Variants in PGM2L1 observed in about 807,000 individuals in gnomAD.
PGM2L1 encodes glucose 1,6-bisphosphate synthase.
Under a neutral mutation model 73.4 loss-of-function variants are expected in PGM2L1, and 35 were observed. The observed-to-expected ratio is 0.48, with a 90% confidence interval of 0.36 to 0.63. The LOEUF (loss-of-function observed/expected upper bound fraction) is 0.63, where lower values mean the gene tolerates loss of function less well. Among genes scored for constraint, PGM2L1 ranks in the 30% least tolerant of loss-of-function variants. PGM2L1 has a pLI of 0.00. For missense variants in PGM2L1, 570 were observed against 742.0 expected (o/e 0.77, Z 2.69); for synonymous variants, 225 against 253.8 (o/e 0.89, Z 1.08).
intron 9 of PGM2L1, among the ~76,000 whole-genome samples, chr11:74,345,180 A>T (rs1315096058): frequency 2.0e-5 from 3 of 152,198 alleles, no homozygotes; most frequent in African/African-American, 7.2e-5. Flanking sequence ...GGTCACCAGG[A>T]GCTATATTTT....
Position 74,330,665 on chromosome 11 carries a change from G to A in PGM2L1, c.*5987C>T, listed in dbSNP as rs1198833206. 1.3e-5 allele frequency: 2 copies of A among 152,592 alleles called. No homozygotes were observed. The highest frequency in any genetic ancestry group is 2.4e-5 in the African/African-American group (1 of 41,432). 9.5% of individuals were successfully genotyped at this position (152,592 alleles called of 1,614,324 possible). On this transcript the variant is annotated 3_prime_UTR_variant, in exon 14 of 14. Transcript: ENST00000298198. ...GAGTGGCTCTTGTAAGATACATGAT[G>A]AATCATAACAGTGGACAAAAACATA...
chr11:74,369,854 C>G (rs2134927972), intron 4 of PGM2L1, among the ~76,000 whole-genome samples: 1 of 152,286 alleles, frequency 6.6e-6, no homozygotes, highest in East Asian at 1.9e-4. Flanking sequence ...TCAAGCAACT[C>G]TCGTGCCCCA....
At chr11:74,377,063 T>A (rs1862865363) in intron 1 of PGM2L1, among the ~76,000 whole-genome samples, 1 of 152,072 alleles carries the variant, frequency 6.6e-6, no homozygotes, top group South Asian at 2.1e-4. Flanking sequence ...AAAGTCAATA[T>A]ATCACTACGA....
intron 5 of PGM2L1, among the ~76,000 whole-genome samples, chr11:74,367,416 C>T (rs1246560070): frequency 6.6e-6 from 1 of 152,018 alleles, no homozygotes; most frequent in Admixed American, 6.6e-5. Context: ...AAGAAGACAA[C>T]AATGGTTTAG....
chr11:74,370,058 TCTTTTTACAAAGAAATAAAGTA>T (rs372168469), intron 4 of PGM2L1, among the ~76,000 whole-genome samples: 11 of 152,204 alleles, frequency 7.2e-5, no homozygotes, highest in African/African-American at 2.4e-4. Flanking sequence ...CCTGATAAGT[TCTTTTTACAAAGAAATAAAGTA>T]CTTTAGTTAT....
At chr11:74,394,975 A>G (rs1360124382) in intron 1 of PGM2L1, among the ~76,000 whole-genome samples, 1 of 152,118 alleles carries the variant, frequency 6.6e-6, no homozygotes, top group African/African-American at 2.4e-5. Flanking sequence ...ATATGCCATC[A>G]ATATATAATG....
intron 1 of PGM2L1, among the ~76,000 whole-genome samples, chr11:74,389,947 C>CAAAAAAAAAAAAAAAAAAA (rs71065078): frequency 1.6e-4 from 6 of 38,578 alleles, no homozygotes; most frequent in Admixed American, 3.8e-4. Flanking sequence ...ACTAAAAATA[C>CAAAAAAAAAAAAAAAAAAA]AAAAAAAAAA....
At chr11:74,390,170 G>A (rs373304271) in intron 1 of PGM2L1, among the ~76,000 whole-genome samples, 109 of 138,664 alleles carry the variant, frequency 7.9e-4, no homozygotes, top group Non-Finnish European at 1.1e-3. Context: ...TTTTATGAAA[G>A]AAAAAAAAAA....
chr11:74,385,519 C>T (rs1863005626), intron 1 of PGM2L1, among the ~76,000 whole-genome samples: 1 of 151,978 alleles, frequency 6.6e-6, no homozygotes, highest in Non-Finnish European at 1.5e-5. Context: ...GACAAGACTC[C>T]ATTATACCAG....
At chr11:74,371,406 A>G (rs564745549) in intron 3 of PGM2L1, among the ~76,000 whole-genome samples, 3 of 152,222 alleles carry the variant, frequency 2.0e-5, no homozygotes, top group Non-Finnish European at 4.4e-5. Flanking sequence ...ATAGGCATAT[A>G]ATGAGAATAT....
At chr11:74,361,795 T>A (rs1862568479) in intron 5 of PGM2L1, among the ~76,000 whole-genome samples, 1 of 152,150 alleles carries the variant, frequency 6.6e-6, no homozygotes, top group Admixed American at 6.5e-5. Flanking sequence ...AGAAAGGGTA[T>A]CAGTGATGGA....
At position 74,398,330 on chromosome 11, in the gene PGM2L1, G is replaced by A. The variant is rs1591198512; in HGVS notation, c.-169C>T. The A allele has an allele frequency of 2.8e-6, 3 of 1,082,356 alleles. No homozygotes were observed. The African/African-American group carries it at 4.8e-5, about 17-fold the overall frequency. The allele number at this position is 1,082,356 out of a possible 1,614,324, so 67.0% of individuals were successfully genotyped here. A position where few individuals can be genotyped will look rare whatever the true frequency, so the allele number is the denominator to read the frequency against. On this transcript the variant is annotated 5_prime_UTR_variant, in exon 1 of 14. Transcript: ENST00000298198. ...CTCCTGCCGCGGCGTCAGGGAACCG[G>A]GAGAGAGGGGGTTTATGGCCGCCTG... is the stretch of plus-strand genomic sequence containing the variant.
At chr11:74,365,508 C>G (rs945901100) in intron 5 of PGM2L1, among the ~76,000 whole-genome samples, 2 of 152,136 alleles carry the variant, frequency 1.3e-5, no homozygotes, top group Non-Finnish European at 2.9e-5. Context: ...ATAACTCAAA[C>G]AAATTTACAG....
chr11:74,387,708 T>A (rs371551942), intron 1 of PGM2L1, among the ~76,000 whole-genome samples: 9 of 152,348 alleles, frequency 5.9e-5, no homozygotes, highest in African/African-American at 2.2e-4. Flanking sequence ...AAAATCTTCC[T>A]GACTTTGAAC....
chr11:74,337,712 ATTTGATGATAAT>A lies in PGM2L1; in HGVS notation c.1766+744_1766+755del, dbSNP rs1862118972. Among the ~76,000 whole-genome samples the A allele has an allele frequency of 2.6e-5, 4 of 152,358 alleles. No individual in the cohort carries two copies. The South Asian group carries it at 8.3e-4, about 32-fold the overall frequency. On this transcript the variant is annotated intron_variant, in intron 13 of 13. Transcript: ENST00000298198. Reference sequence around the variant, plus strand: ...ATGGATATTTGGCAATAAACAAATTATTTGATGATAATTTCCTTATGTTAATCACATAATACT... The same window carrying A: ...ATGGATATTTGGCAATAAACAAATTATTCCTTATGTTAATCACATAATACT...
chr11:74,342,298 T>A (rs1054191969), intron 12 of PGM2L1, among the ~76,000 whole-genome samples, 163 bp downstream of exon 12: 3 of 152,104 alleles, frequency 2.0e-5, no homozygotes, highest in Non-Finnish European at 2.9e-5. Context: ...GCCCTATACA[T>A]CTCTTCCATC....
chr11:74,361,356 A>T (rs1192265754), intron 5 of PGM2L1, among the ~76,000 whole-genome samples: 2 of 152,208 alleles, frequency 1.3e-5, no homozygotes, highest in Non-Finnish European at 2.9e-5. Flanking sequence ...TATAAGGAAA[A>T]CTAACAAACA....
At chr11:74,350,573 A>T (rs1331141748) in intron 6 of PGM2L1, among the ~76,000 whole-genome samples, 1 of 152,190 alleles carries the variant, frequency 6.6e-6, no homozygotes, top group East Asian at 1.9e-4. Flanking sequence ...GAACATTCTC[A>T]CTACTCCTGA....
chr11:74,341,836 G>T (rs1196193390), intron 12 of PGM2L1, among the ~76,000 whole-genome samples: 1 of 152,058 alleles, frequency 6.6e-6, no homozygotes, highest in Non-Finnish European at 1.5e-5. Flanking sequence ...GCTAAATAAG[G>T]GCAAGTTATT....
Sources: gnomAD v4.1 joint callset for allele counts (sites outside exome capture counted in the v4.1 genomes callset) on GRCh38, gnomAD v4.1.1 for gene constraint, MANE v1.5 for transcripts, NCBI Gene and HGNC (gene_info 2026-07-23, HGNC 2026-07-21) for gene names.